Variants in ELF4 observed in about 807,000 individuals in gnomAD.
ELF4 encodes E74 like ETS transcription factor 4.
ELF4 carries 10 observed loss-of-function variants against 31.7 expected under a neutral mutation model. The ratio of observed to expected loss-of-function variants is 0.32; its 90% CI spans 0.19 to 0.54. The LOEUF is 0.54. Among genes scored for constraint, ELF4 ranks in the 20% least tolerant of loss-of-function variants. The pLI is 0.95. For synonymous variants in ELF4, 208 were observed against 226.7 expected, an observed-to-expected ratio of 0.92 and a Z score of 0.74; for missense variants, 418 against 522.0, an observed-to-expected ratio of 0.80 and a Z score of 1.94.
intron 3 of ELF4, 131 bp downstream of exon 3, chrX:130,074,450 G>T: frequency 1.1e-6 from 1 of 905,351 alleles, no homozygotes; most frequent in Non-Finnish European, 1.6e-6. Flanking sequence ...CCTCTGTGAA[G>T]CAGCACAACT....
intron 8 of ELF4, 148 bp from the exon 9 acceptor site, chrX:130,067,673 A>AC (rs1569400725): frequency 1.8e-5 from 11 of 618,368 alleles, no homozygotes; most frequent in Non-Finnish European, 2.6e-5. Context: ...ACAGGGTCTC[A>AC]CTCTGCTGCC....
upstream of ELF4, among the ~76,000 whole-genome samples, chrX:130,111,509 A>T (rs1281326862): frequency 8.9e-6 from 1 of 112,478 alleles, no homozygotes; most frequent in Non-Finnish European, 1.9e-5. Flanking sequence ...TTGGAACCAT[A>T]TGCCCGACTC....
In ELF4 at chrX:130,066,855, C is replaced by A. The variant is rs148636858; in HGVS notation, c.1858G>T (p.Gly620Cys). Residue 620 changes from glycine (G) to cysteine (C), a missense_variant, in exon 9 of 9, where the codon GGC becomes TGC. Physicochemically the swap from Gly to Cys is radical, Grantham distance 159. Coordinates refer to ENST00000308167, the MANE Select transcript of ELF4 (RefSeq NM_001421.4). ...TPVAELELSS[G>C]SGSLLMAEPS... Reference sequence around the variant, plus strand: ...TCAGCCATCAGCAGGGACCCTGAGCCTGAGGAGAGCTCAAGTTCAGCCACT... The same window carrying A: ...TCAGCCATCAGCAGGGACCCTGAGCATGAGGAGAGCTCAAGTTCAGCCACT... 4.0e-5 allele frequency: 48 copies of A among 1,209,919 alleles called. No homozygotes were observed. The African/African-American group carries it at 6.5e-4, about 16-fold the overall frequency.
chrX:130,091,015 T>A (rs1933047995), intron 1 of ELF4, among the ~76,000 whole-genome samples: 1 of 111,904 alleles, frequency 8.9e-6, no homozygotes, highest in Admixed American at 9.6e-5. Context: ...GGTTTTGCCA[T>A]GTTGTCCAGG....
chrX:130,090,003 G>A (rs766843114), intron 1 of ELF4, among the ~76,000 whole-genome samples: 3 of 111,236 alleles, frequency 2.7e-5, no homozygotes, highest in South Asian at 3.7e-4. Context: ...TTGGGAGGCC[G>A]AGGCAAGCAG....
intron 1 of ELF4, among the ~76,000 whole-genome samples, chrX:130,083,897 G>T (rs1174218181): frequency 1.8e-5 from 2 of 111,193 alleles, no homozygotes; most frequent in African/African-American, 6.5e-5. Flanking sequence ...GGGTCAGTCA[G>T]CATCTGTGAG....
chrX:130,102,224 A>C (rs1229500728), intron 1 of ELF4, among the ~76,000 whole-genome samples: 3 of 112,958 alleles, frequency 2.7e-5, no homozygotes. Flanking sequence ...ATTAAAAGAA[A>C]ATGTTATGGA....
At position 130,066,755 on chromosome X, in the gene ELF4, G is replaced by A. The variant is rs779820546; in HGVS notation, c.1958C>T (p.Thr653Ile). Residue 653 changes from threonine to isoleucine, a missense_variant, in exon 9 of 9, where the codon ACT (threonine) becomes ATT (isoleucine). Physicochemically the swap from Thr to Ile is moderately conservative, Grantham distance 89. Around this residue, in one of 4 missense-constraint regions of ELF4, gnomAD observed 260 missense variants for 269.2 expected, o/e 0.97. Transcript: ENST00000308167. ...TPAPFSPFNPTSLIKMEPHDI is the reference protein window; with the variant it reads ...TPAPFSPFNPISLIKMEPHDI ...ATGGGGCTCCATCTTAATGAGGGAA[G>A]TAGGGTTGAATGGGGAGAAAGGGGC... 8 of 1,208,741 alleles carry A rather than the reference G, an allele frequency of 6.6e-6. No homozygotes were observed. In the African/African-American group the frequency reaches 1.4e-4, roughly 21 times the overall value.
At chrX:130,107,073 C>T (rs210010) in intron 1 of ELF4, among the ~76,000 whole-genome samples, 45,847 of 110,383 alleles carry the variant, frequency 0.42, 7,756 homozygotes, top group African/African-American at 0.65. Flanking sequence ...GTCAATAGTT[C>T]AAGACCAGCC....
At chrX:130,072,492 G>A in intron 4 of ELF4, 75 bp from the exon 5 acceptor site, 1 of 1,085,500 alleles carries the variant, frequency 9.2e-7, no homozygotes, top group South Asian at 1.9e-5. Context: ...TGGAGAGACG[G>A]GTAGGTTCCA....
At position 130,071,246 on chromosome X, in the gene ELF4, G is replaced by T; in HGVS notation, c.617-14C>A. The T allele has an allele frequency of 8.3e-7, 1 of 1,211,386 alleles. No individual in the cohort carries two copies. The highest frequency in any genetic ancestry group is 1.1e-6 in the Non-Finnish European group (1 of 895,469). On this transcript the variant is annotated splice_polypyrimidine_tract_variant and intron_variant, in intron 6 of 8. Transcript: ENST00000308167. ...AGATGGTGCTGCCTGCAGAGGGGCA[G>T]GCCGTGAGGGGCAGCCTGGGCAGCT...
chrX:130,093,531 G>A (rs1398584556), intron 1 of ELF4, among the ~76,000 whole-genome samples: 2 of 111,603 alleles, frequency 1.8e-5, no homozygotes, highest in Non-Finnish European at 3.8e-5. Context: ...CTAGCCGTAG[G>A]GCTGTGTGCC....
At chrX:130,073,758 C>T (rs1196445801) in intron 4 of ELF4, among the ~76,000 whole-genome samples, 2 of 112,088 alleles carry the variant, frequency 1.8e-5, no homozygotes, top group Admixed American at 9.4e-5. Context: ...GTGACCCACC[C>T]GCCTCAGCCT....
chrX:130,074,723 C>T lies in ELF4; in HGVS notation c.105G>A (p.Val35=), dbSNP rs1366623399. The change falls in exon 3 of 9, where the codon GTG becomes GTA. Residue 35 remains valine (V), a synonymous_variant. Transcript: ENST00000308167. ...CAGGGTAGGGTACCTGCTCCACGAT[C>T]ACAGCTGGGAACACAGAGGGGTCTT... ...QLEDPSVFPA[V]IVEQVPYPDL... 4 of 1,211,602 alleles carry T rather than the reference C, an allele frequency of 3.3e-6. No homozygotes were observed. The highest frequency in any genetic ancestry group is 3.5e-5 in the South Asian group (2 of 56,954).
In ELF4 at chrX:130,065,011, C is replaced by T. The variant is rs1192424349; in HGVS notation, c.*1710G>A. ...ACGCATAGTAAATACATTTGCACAA[C>T]CAAACACAGTGCCCTCCAGGGGGCA... On this transcript the variant is annotated 3_prime_UTR_variant, in exon 9 of 9. Transcript: ENST00000308167. The T allele has an allele frequency of 5.9e-6, 1 of 170,777 alleles. No individual in the cohort carries two copies. Among genetic ancestry groups the T allele is most frequent in the Non-Finnish European group, 1.1e-5 (1 of 89,132 alleles). 14.1% of individuals were successfully genotyped at this position (170,777 alleles called of 1,213,427 possible).
chrX:130,104,916 T>C (rs770648627), intron 1 of ELF4, among the ~76,000 whole-genome samples: 4 of 109,829 alleles, frequency 3.6e-5, no homozygotes, highest in Non-Finnish European at 7.6e-5. Flanking sequence ...CCCAGCACTT[T>C]GGGAGGCCAA....
At chrX:130,068,510 C>T (rs1932740995) in intron 8 of ELF4, among the ~76,000 whole-genome samples, 1 of 111,945 alleles carries the variant, frequency 8.9e-6, no homozygotes, top group African/African-American at 3.3e-5. Context: ...CTCACTGCGC[C>T]AGCGTAGTGA....
chrX:130,070,938 G>T, intron 7 of ELF4, 102 bp downstream of exon 7: 1 of 1,091,814 alleles, frequency 9.2e-7, no homozygotes. Context: ...CGTTTCCTTA[G>T]GATCAATCAG....
intron 1 of ELF4, among the ~76,000 whole-genome samples, chrX:130,107,803 T>C (rs1933402160): frequency 8.9e-6 from 1 of 112,920 alleles, no homozygotes. Flanking sequence ...CTCACCAAAG[T>C]GTTATAAAGT....
Sources: gnomAD v4.1 joint callset for allele counts (sites outside exome capture counted in the v4.1 genomes callset) on GRCh38, gnomAD v4.1.1 for gene constraint, gnomAD v4.1.1 regional missense constraint, MANE v1.5 for transcripts, NCBI Gene and HGNC (gene_info 2026-07-23, HGNC 2026-07-21) for gene names.